SPACA9: variants seen among roughly 807,000 people sequenced by gnomAD.
The protein encoded by SPACA9 is sperm acrosome associated 9, also known as sperm acrosome-associated protein 9.
A neutral mutation model predicts 12.5 loss-of-function variants in SPACA9; 14 were observed. The ratio of observed to expected loss-of-function variants is 1.12; its 90% CI spans 0.74 to 1.75. The LOEUF is 1.75. Among genes scored for constraint, SPACA9 ranks in the 40% most tolerant of loss-of-function variants. The probability of loss-of-function intolerance (pLI) is 0.00; values close to 1 mark genes in which losing one functional copy is unlikely to be tolerated. For missense variants in SPACA9, 292 were observed against 291.9 expected, an observed-to-expected ratio of 1.00 and a Z score of 0.00; for synonymous variants, 111 against 114.1, an observed-to-expected ratio of 0.97 and a Z score of 0.17.
intron 2 of SPACA9, among the ~76,000 whole-genome samples, chr9:132,884,766 G>C (rs1844518203): frequency 6.6e-6 from 1 of 152,238 alleles, no homozygotes; most frequent in African/African-American, 2.4e-5. Flanking sequence ...CAGAACTGCA[G>C]AGGAGAAACA....
At position 132,887,412 on chromosome 9, in the gene SPACA9, G is replaced by A. The variant is rs199653353; in HGVS notation, c.188G>A (p.Arg63Gln). 3.0e-4 allele frequency: 486 copies of A among 1,611,260 alleles called. 1 individual carries two copies. The highest frequency in any genetic ancestry group is 5.5e-4 in the Admixed American group (33 of 59,996). ...CACTACTGCAACAGCTCCACAGACC[G>A]GCGGGTTCTGCTCATGTTCCTGGAC... ...MEHYCNSSTD[R>Q]RVLLMFLDIC... Residue 63 changes from arginine to glutamine, a missense_variant, in exon 3 of 4, where the codon CGG (arginine) becomes CAG (glutamine). Transcript: ENST00000356311. The surrounding 1 kb of genome is among the most constrained non-coding windows in gnomAD (Gnocchi z 5.4).
At chr9:132,880,459 A>G (rs1177938041) in intron 1 of SPACA9, among the ~76,000 whole-genome samples, 6 of 152,036 alleles carry the variant, frequency 3.9e-5, no homozygotes, top group Non-Finnish European at 7.4e-5. Flanking sequence ...ACTACCAACC[A>G]CAGCTCCCAC....
chr9:132,882,059 C>T (rs569579291), intron 1 of SPACA9, among the ~76,000 whole-genome samples: 4 of 152,334 alleles, frequency 2.6e-5, no homozygotes, highest in South Asian at 2.1e-4. Context: ...ACCTTCAGCT[C>T]TCCTTTCCAT....
chr9:132,880,294 G>A (rs149760987), intron 1 of SPACA9, among the ~76,000 whole-genome samples: 5 of 152,166 alleles, frequency 3.3e-5, no homozygotes, highest in East Asian at 1.9e-4. Context: ...AGAAGTGCCC[G>A]TCCCCTGTGC....
intron 1 of SPACA9, among the ~76,000 whole-genome samples, chr9:132,880,822 C>CTT (rs900840677): frequency 1.7e-4 from 23 of 137,720 alleles, no homozygotes; most frequent in Admixed American, 2.9e-4. Flanking sequence ...GTGCAGCTAT[C>CTT]TTTTTTTTTT....
At chr9:132,886,516 C>T (rs1413141121) in intron 2 of SPACA9, among the ~76,000 whole-genome samples, 4 of 152,132 alleles carry the variant, frequency 2.6e-5, no homozygotes, top group East Asian at 3.9e-4. Flanking sequence ...TTGCTTTAGG[C>T]GGTGGTTGGT....
At chr9:132,881,102 G>GCTCA (rs1564456008) in intron 1 of SPACA9, among the ~76,000 whole-genome samples, 1 of 151,706 alleles carries the variant, frequency 6.6e-6, no homozygotes, top group Admixed American at 6.6e-5. Context: ...GGGATTACAG[G>GCTCA]CGTGAGCTAC....
upstream of SPACA9, chr9:132,878,363 C>T: frequency 2.4e-6 from 3 of 1,253,262 alleles, no homozygotes; most frequent in Non-Finnish European, 3.0e-6. This position sits in a 1 kb window ranked among gnomAD's most constrained non-coding sequence, Gnocchi z 4.7. Context: ...CCGCGCCGGG[C>T]CCAGATACCC....
chr9:132,880,634 G>A (rs1355011741), intron 1 of SPACA9, among the ~76,000 whole-genome samples: 1 of 152,112 alleles, frequency 6.6e-6, no homozygotes, highest in African/African-American at 2.4e-5. Flanking sequence ...CAAAACTTAA[G>A]GGAGTGCCGG....
chr9:132,881,516 A>G lies in SPACA9; in HGVS notation c.-37-2395A>G, dbSNP rs539377525. Among the ~76,000 whole-genome samples, 5 of 152,012 alleles carry G rather than the reference A, an allele frequency of 3.3e-5. No individual in the cohort carries two copies. In the South Asian group the frequency reaches 1.0e-3, roughly 32 times the overall value. ...TACAGTGGCTCATGCCTATCATCCC[A>G]GCACTTTCGGAGGCTGAGAAAGGGA... On this transcript the variant is annotated intron_variant, in intron 1 of 3. Transcript: ENST00000356311.
chr9:132,880,849 G>A (rs1356010898), intron 1 of SPACA9, among the ~76,000 whole-genome samples: 1 of 146,298 alleles, frequency 6.8e-6, no homozygotes, highest in Non-Finnish European at 1.5e-5. Flanking sequence ...TTGAGATGGA[G>A]TCTTGCTCTG....
Position 132,888,588 on chromosome 9 carries a change from A to G in SPACA9, c.646A>G (p.Arg216Gly). ...CAGGGGATGTTCAAAACCACCCTGG[A>G]GGCCTCCTGGTGGGAAATTGTAACT... ...KPRGCSKPPWRPPGGKL is the reference protein window; with the variant it reads ...KPRGCSKPPWGPPGGKL Residue 216 changes from arginine to glycine, a missense_variant, in exon 4 of 4, where the codon AGG (arginine) becomes GGG (glycine). Arg to Gly is a moderately radical substitution (Grantham distance 125, BLOSUM62 -2). Coordinates refer to ENST00000356311, the MANE Select transcript of SPACA9 (RefSeq NM_001316897.2). The surrounding 1 kb of genome is among the most constrained non-coding windows in gnomAD (Gnocchi z 5.0). The G allele has an allele frequency of 6.5e-7, 1 of 1,538,254 alleles. No homozygotes were observed. Among genetic ancestry groups the G allele is most frequent in the Non-Finnish European group, 8.8e-7 (1 of 1,139,826 alleles).
intron 1 of SPACA9, among the ~76,000 whole-genome samples, chr9:132,879,804 T>C (rs1414854313): frequency 6.6e-6 from 1 of 152,232 alleles, no homozygotes; most frequent in Admixed American, 6.5e-5. Flanking sequence ...ATGGATAAAC[T>C]GAGGCCCAGA....
At chr9:132,884,282 T>C (rs1199531858) in intron 2 of SPACA9, among the ~76,000 whole-genome samples, 191 bp downstream of exon 2, 3 of 152,132 alleles carry the variant, frequency 2.0e-5, no homozygotes, top group African/African-American at 7.2e-5. Flanking sequence ...TAACAACAAG[T>C]GAATAAAGAG....
rs988439905 is a variant in SPACA9, at chr9:132,889,601, G to C, written c.*990G>C. 5 of 385,402 alleles carry C rather than the reference G, an allele frequency of 1.3e-5. No individual in the cohort carries two copies. The highest frequency in any genetic ancestry group is 1.8e-5 in the Non-Finnish European group (5 of 281,454). 23.9% of individuals were successfully genotyped at this position (385,402 alleles called of 1,614,324 possible). A position where few individuals can be genotyped will look rare whatever the true frequency, so the allele number is the denominator to read the frequency against. The stretch of plus-strand genomic sequence containing the variant: ...ATATATATATATATTTTTTAGTAGA[G>C]ACGGGGCTTCACCACGTTGGCCAGG... On this transcript the variant is annotated 3_prime_UTR_variant, in exon 4 of 4. Coordinates refer to ENST00000356311, the MANE Select transcript of SPACA9 (RefSeq NM_001316897.2).
intron 2 of SPACA9, among the ~76,000 whole-genome samples, chr9:132,884,986 A>T (rs552451445): frequency 6.6e-6 from 1 of 151,846 alleles, no homozygotes; most frequent in Admixed American, 6.6e-5. Flanking sequence ...GGTGGTGCGC[A>T]TCTGTAATCC....
upstream of SPACA9, chr9:132,878,404 C>A: frequency 8.1e-7 from 1 of 1,240,152 alleles, no homozygotes; most frequent in South Asian, 4.0e-5. The surrounding 1 kb of genome is among the most constrained non-coding windows in gnomAD (Gnocchi z 4.7). Context: ...GCCCCCGCCC[C>A]GACCTCCCCG....
In SPACA9 at chr9:132,884,031, T is replaced by C; in HGVS notation, c.84T>C (p.Ala28=). 2 of 1,614,088 alleles carry C rather than the reference T, an allele frequency of 1.2e-6. No individual in the cohort carries two copies. Among genetic ancestry groups the C allele is most frequent in the Non-Finnish European group, 1.7e-6 (2 of 1,180,012 alleles). Residue 28 remains alanine (A), a synonymous_variant, in exon 2 of 4, where the codon GCT becomes GCC. Coordinates refer to ENST00000356311, the MANE Select transcript of SPACA9 (RefSeq NM_001316897.2). ...AGCAGCAGCTCACCTTCACCGCCGCTCTGGAGCACTGCAGGGAGAACGCCC... is the reference window on the plus strand; with the variant it reads ...AGCAGCAGCTCACCTTCACCGCCGCCCTGGAGCACTGCAGGGAGAACGCCC... ...FQQQQLTFTA[A]LEHCRENAHD... is the part of the protein sequence containing the mutation.
Position 132,884,090 on chromosome 9 carries a change from AGGTG to A in SPACA9, c.144+2_144+5del, listed in dbSNP as rs774061251. 3.5e-5 allele frequency: 57 copies of A among 1,611,666 alleles called. No individual in the cohort carries two copies. The highest frequency in any genetic ancestry group is 4.7e-5 in the Non-Finnish European group (55 of 1,177,976). ...ATCCGGCCCATCTCCAGCATTGGAC[AGGTG>A]GGGCTCCCGACCCCCACCCCGGCCG... On this transcript the variant is annotated splice_donor_variant and splice_donor_region_variant and coding_sequence_variant and intron_variant, in exon 2 of 4. Coordinates refer to ENST00000356311, the MANE Select transcript of SPACA9 (RefSeq NM_001316897.2). LOFTEE classifies it high-confidence loss of function.
Sources: allele counts gnomAD v4.1 joint callset (sites outside exome capture counted in the v4.1 genomes callset), GRCh38; gene constraint gnomAD v4.1.1; non-coding constraint Gnocchi (gnomAD v3.1); transcripts MANE v1.5; gene names NCBI Gene and HGNC (gene_info 2026-07-23, HGNC 2026-07-21).